FHIT: variants seen among roughly 807,000 people sequenced by gnomAD.
The protein encoded by FHIT is fragile histidine triad diadenosine triphosphatase.
A neutral mutation model predicts 17.9 loss-of-function variants in FHIT; 19 were observed. The ratio of observed to expected loss-of-function variants is 1.06; its 90% CI spans 0.74 to 1.56. The LOEUF is 1.56. Among genes scored for constraint, FHIT ranks in the 40% most tolerant of loss-of-function variants. The pLI is 0.00. For synonymous variants in FHIT, 81 were observed against 69.7 expected (o/e 1.16, Z -0.81); for missense variants, 248 against 189.2 (o/e 1.31, Z -1.82).
At chr3:60,797,449 A>T (rs1701020730) in intron 4 of FHIT, among the ~76,000 whole-genome samples, 1 of 124,336 alleles carries the variant, frequency 8.0e-6, no homozygotes, top group South Asian at 2.2e-4. Flanking sequence ...TGGCATAAAG[A>T]AATTGCAGTA....
chr3:60,411,012 A>G (rs761435081), intron 5 of FHIT, among the ~76,000 whole-genome samples: 3 of 152,156 alleles, frequency 2.0e-5, no homozygotes, highest in African/African-American at 4.8e-5. Context: ...GCCAAATGTC[A>G]ATGTAAAGGA....
chr3:59,928,521 T>A (rs571503382), intron 7 of FHIT, among the ~76,000 whole-genome samples: 1 of 152,130 alleles, frequency 6.6e-6, no homozygotes, highest in Non-Finnish European at 1.5e-5. Context: ...CTAAAATACA[T>A]AAAGAACTAC....
At chr3:60,526,845 GA>G (rs2035594410) in intron 5 of FHIT, among the ~76,000 whole-genome samples, 2 of 152,168 alleles carry the variant, frequency 1.3e-5, no homozygotes, top group African/African-American at 4.8e-5. Flanking sequence ...TCATTTTGTG[GA>G]AAGCATCCCC....
intron 5 of FHIT, among the ~76,000 whole-genome samples, chr3:60,246,031 C>G (rs1437629773): frequency 6.6e-6 from 1 of 151,952 alleles, no homozygotes; most frequent in Non-Finnish European, 1.5e-5. Flanking sequence ...GTTTAATTCC[C>G]TTCATAATTT....
chr3:61,121,394 T>C (rs6445193), intron 2 of FHIT, among the ~76,000 whole-genome samples: 114,881 of 152,106 alleles, frequency 0.76, 44,263 homozygotes, highest in African/African-American at 0.8. Flanking sequence ...CAGCAGATCT[T>C]TCTGCAGAAA....
intron 3 of FHIT, among the ~76,000 whole-genome samples, chr3:60,897,804 A>G (rs1245907224): frequency 6.6e-6 from 1 of 152,204 alleles, no homozygotes; most frequent in Non-Finnish European, 1.5e-5. Context: ...ACTAAAGAAC[A>G]CATTACTCAC....
intron 4 of FHIT, among the ~76,000 whole-genome samples, chr3:60,777,218 C>T (rs925071748): frequency 4.6e-5 from 7 of 152,138 alleles, no homozygotes; most frequent in Non-Finnish European, 8.8e-5. Flanking sequence ...ACACAGCCCT[C>T]AGAAGGTCCT....
At chr3:59,908,532 G>T (rs528038457) in intron 8 of FHIT, among the ~76,000 whole-genome samples, 1 of 152,140 alleles carries the variant, frequency 6.6e-6, no homozygotes, top group Non-Finnish European at 1.5e-5. Context: ...CATTCCTTAC[G>T]GGTATCAGAA....
At chr3:60,965,529 T>G (rs1709686555) in intron 3 of FHIT, among the ~76,000 whole-genome samples, 1 of 152,242 alleles carries the variant, frequency 6.6e-6, no homozygotes, top group Non-Finnish European at 1.5e-5. Context: ...TTTTTAGAAT[T>G]TTCAGCTTTT....
intron 8 of FHIT, among the ~76,000 whole-genome samples, chr3:59,853,066 G>GT (rs1289736487): frequency 6.6e-6 from 1 of 152,166 alleles, no homozygotes; most frequent in Non-Finnish European, 1.5e-5. Flanking sequence ...GGATCATGTT[G>GT]TAAGAGCATG....
intron 4 of FHIT, among the ~76,000 whole-genome samples, chr3:60,676,183 C>CA (rs1164508417): frequency 6.6e-6 from 1 of 152,140 alleles, no homozygotes; most frequent in East Asian, 1.9e-4. Context: ...GAGATGCTTC[C>CA]AGATGGTTCC....
At chr3:60,054,603 A>G (rs956417075) in intron 5 of FHIT, among the ~76,000 whole-genome samples, 6 of 152,174 alleles carry the variant, frequency 3.9e-5, no homozygotes, top group Admixed American at 6.5e-5. Flanking sequence ...TTTTCCCTAT[A>G]GATAATACTG....
At chr3:60,720,652 G>A (rs1030557500) in intron 4 of FHIT, among the ~76,000 whole-genome samples, 7 of 152,116 alleles carry the variant, frequency 4.6e-5, no homozygotes, top group African/African-American at 1.7e-4. Context: ...TCTCTAGGTG[G>A]TGGGACCCAT....
chr3:61,225,908 T>C (rs905389902), intron 1 of FHIT, among the ~76,000 whole-genome samples: 21 of 152,250 alleles, frequency 1.4e-4, no homozygotes, highest in African/African-American at 4.6e-4. Flanking sequence ...TAAAGTGTCA[T>C]TGATACAGTA....
intron 1 of FHIT, among the ~76,000 whole-genome samples, chr3:61,202,781 G>T (rs1044513829): frequency 6.6e-6 from 1 of 152,184 alleles, no homozygotes; most frequent in Non-Finnish European, 1.5e-5. Context: ...TGCGGACACT[G>T]TGTCTCACGC....
At chr3:60,808,573 C>T (rs1444837826) in intron 4 of FHIT, among the ~76,000 whole-genome samples, 1 of 152,106 alleles carries the variant, frequency 6.6e-6, no homozygotes, top group Non-Finnish European at 1.5e-5. Flanking sequence ...TAGAATCAGA[C>T]AAAACCTCAC....
At chr3:60,891,423 T>C (rs1217141499) in intron 3 of FHIT, among the ~76,000 whole-genome samples, 1 of 152,098 alleles carries the variant, frequency 6.6e-6, no homozygotes, top group Non-Finnish European at 1.5e-5. Context: ...CTCTCACCAA[T>C]ACTATTGGAA....
chr3:59,990,831 T>G (rs952648973), intron 7 of FHIT, among the ~76,000 whole-genome samples: 1 of 152,064 alleles, frequency 6.6e-6, no homozygotes, highest in Non-Finnish European at 1.5e-5. Flanking sequence ...GCTCACTCAT[T>G]AAGTCATTTT....
intron 1 of FHIT, among the ~76,000 whole-genome samples, chr3:61,217,811 G>T (rs2039727941): frequency 6.6e-6 from 1 of 152,146 alleles, no homozygotes; most frequent in Non-Finnish European, 1.5e-5. Context: ...TCAAACAATA[G>T]ATATCAAAGG....
Sources: gnomAD v4.1 joint callset for allele counts (sites outside exome capture counted in the v4.1 genomes callset) on GRCh38, gnomAD v4.1.1 for gene constraint, MANE v1.5 for transcripts, NCBI Gene and HGNC (gene_info 2026-07-23, HGNC 2026-07-21) for gene names.